The following LNPK variants were observed in gnomAD, a reference collection of about 807,000 sequenced individuals.
LNPK encodes endoplasmic reticulum junction formation protein lunapark.
Under a neutral mutation model 55.2 loss-of-function variants are expected in LNPK, and 29 were observed. That is an observed-to-expected ratio of 0.53 (90% CI 0.39 to 0.72). LNPK has a LOEUF of 0.72. LNPK is among the 30% of genes least tolerant of loss of function. The pLI is 0.00. For synonymous variants in LNPK, 162 were observed against 168.2 expected (o/e 0.96, Z 0.29); for missense variants, 467 against 494.8 (o/e 0.94, Z 0.53).
intron 9 of LNPK, among the ~76,000 whole-genome samples, chr2:175,943,059 G>C (rs1225691172): frequency 6.6e-6 from 1 of 151,616 alleles, no homozygotes; most frequent in Non-Finnish European, 1.5e-5. Flanking sequence ...CTATAGGTTA[G>C]ATAAAATGGA....
intron 12 of LNPK, chr2:175,931,953 C>G: frequency 6.9e-6 from 2 of 287,924 alleles, no homozygotes; most frequent in Non-Finnish European, 1.4e-5. Flanking sequence ...TTTTCCACAA[C>G]TCTCTGGCCA....
intron 8 of LNPK, among the ~76,000 whole-genome samples, chr2:175,954,970 A>G (rs185399025): frequency 4.6e-5 from 7 of 152,378 alleles, no homozygotes; most frequent in African/African-American, 7.2e-5. Context: ...AAAGTACTAT[A>G]GAGTGAAGTG....
chr2:175,986,135 G>C (rs1403933553), intron 4 of LNPK, among the ~76,000 whole-genome samples: 1 of 152,146 alleles, frequency 6.6e-6, no homozygotes, highest in African/African-American at 2.4e-5. Flanking sequence ...GAAATACACT[G>C]TTATTAGGAT....
At chr2:175,964,247 C>A in intron 8 of LNPK, 125 bp downstream of exon 8, 1 of 658,904 alleles carries the variant, frequency 1.5e-6, no homozygotes, top group Non-Finnish European at 2.6e-6. Context: ...TCCCAAATTA[C>A]CAAATATAAA....
At chr2:175,963,763 A>G (rs1346898932) in intron 8 of LNPK, among the ~76,000 whole-genome samples, 1 of 151,958 alleles carries the variant, frequency 6.6e-6, no homozygotes, top group African/African-American at 2.4e-5. Context: ...TTGCAAACTC[A>G]GAATATCTTT....
intron 8 of LNPK, among the ~76,000 whole-genome samples, chr2:175,957,240 C>T (rs1240388298): frequency 6.6e-6 from 1 of 151,944 alleles, no homozygotes; most frequent in African/African-American, 2.4e-5. Context: ...CACCTGTAAT[C>T]CCAGCTACTC....
At chr2:175,941,810 AAAAG>A (rs1431411488) in intron 9 of LNPK, among the ~76,000 whole-genome samples, 1 of 149,336 alleles carries the variant, frequency 6.7e-6, no homozygotes, top group Non-Finnish European at 1.5e-5. Flanking sequence ...AAAAAAAAGA[AAAAG>A]AAAAAGAAGA....
chr2:175,986,055 G>A (rs1687394999), intron 4 of LNPK, among the ~76,000 whole-genome samples: 2 of 152,068 alleles, frequency 1.3e-5, no homozygotes, highest in African/African-American at 2.4e-5. Flanking sequence ...AGATATAACA[G>A]AAATACCCAT....
intron 1 of LNPK, among the ~76,000 whole-genome samples, chr2:175,997,705 C>CTGTGTGTGTG (rs35147185): frequency 0.15 from 22,034 of 143,932 alleles, 1,836 homozygotes; most frequent in South Asian, 0.22. Flanking sequence ...AACAAATGCT[C>CTGTGTGTGTG]TGTGTGTGTG....
intron 5 of LNPK, 46 bp from the exon 6 acceptor site, chr2:175,970,850 GA>G: frequency 1.5e-6 from 2 of 1,368,084 alleles, no homozygotes; most frequent in South Asian, 1.5e-5. Flanking sequence ...TTAGATATAA[GA>G]AAAAATCACG....
At position 175,973,608 on chromosome 2, in the gene LNPK, T is replaced by C. The variant is rs544825093; in HGVS notation, c.317-2804A>G. 4.6e-5 allele frequency among the ~76,000 whole-genome samples: 7 copies of C among 152,324 alleles called. No individual in the cohort carries two copies. The South Asian group carries it at 8.3e-4, about 18-fold the overall frequency. ...AGATTCCACTTCAGGTTGTAGTAAA[T>C]TGCTGTTTTCTAAACTTCACTGAAA... On this transcript the variant is annotated intron_variant, in intron 5 of 12. Coordinates refer to ENST00000272748, the MANE Select transcript of LNPK (RefSeq NM_030650.3).
At chr2:175,948,768 G>GA (rs1685266493) in intron 8 of LNPK, among the ~76,000 whole-genome samples, 1 of 152,100 alleles carries the variant, frequency 6.6e-6, no homozygotes, top group African/African-American at 2.4e-5. Context: ...GACAGTTAAA[G>GA]AATTACATGA....
At chr2:175,964,338 C>T (rs758564895) in intron 8 of LNPK, 34 bp downstream of exon 8, 1 of 1,585,550 alleles carries the variant, frequency 6.3e-7, no homozygotes, top group Non-Finnish European at 8.7e-7. Flanking sequence ...TGGATCTTTC[C>T]AACAGCAGCA....
At chr2:175,977,997 G>A (rs567043057) in intron 5 of LNPK, among the ~76,000 whole-genome samples, 64 of 152,206 alleles carry the variant, frequency 4.2e-4, no homozygotes, top group Admixed American at 1.7e-3. Context: ...CATAAATGGC[G>A]GTTAGCCATA....
chr2:175,938,548 G>A, intron 10 of LNPK, 165 bp from the exon 11 acceptor site: 1 of 403,396 alleles, frequency 2.5e-6, no homozygotes, highest in Non-Finnish European at 4.5e-6. Flanking sequence ...TTAAATAAAA[G>A]CCAAAATTAA....
intron 8 of LNPK, among the ~76,000 whole-genome samples, chr2:175,949,321 A>T (rs1264400867): frequency 6.6e-6 from 1 of 152,150 alleles, no homozygotes; most frequent in Non-Finnish European, 1.5e-5. Context: ...GGAGCACCTT[A>T]ATAGGTGGTT....
chr2:175,990,108 C>T (rs1687631178), intron 4 of LNPK, among the ~76,000 whole-genome samples: 1 of 152,218 alleles, frequency 6.6e-6, no homozygotes, highest in East Asian at 1.9e-4. Flanking sequence ...GAGTCCAGCC[C>T]TCAAAACTGT....
intron 10 of LNPK, chr2:175,938,773 T>G (rs1167306156): frequency 1.3e-5 from 2 of 154,246 alleles, no homozygotes; most frequent in African/African-American, 4.8e-5. Flanking sequence ...CTCTTAGAGA[T>G]TCACAATGAA....
At chr2:175,998,104 A>C (rs1167604584) in intron 1 of LNPK, among the ~76,000 whole-genome samples, 1 of 152,060 alleles carries the variant, frequency 6.6e-6, no homozygotes, top group Non-Finnish European at 1.5e-5. Context: ...ACAAATGAGA[A>C]ATCTAAGGCA....
Sources: gnomAD v4.1 joint callset for allele counts (sites outside exome capture counted in the v4.1 genomes callset) on GRCh38, gnomAD v4.1.1 for gene constraint, MANE v1.5 for transcripts, NCBI Gene and HGNC (gene_info 2026-07-23, HGNC 2026-07-21) for gene names.